ERP44: variants seen among roughly 807,000 people sequenced by gnomAD.
ERP44 encodes the protein endoplasmic reticulum protein 44.
A neutral mutation model predicts 53.4 loss-of-function variants in ERP44; 25 were observed. The ratio of observed to expected loss-of-function variants is 0.47; its 90% confidence interval spans 0.34 to 0.65. The LOEUF is 0.65. Ranked by LOEUF, ERP44 falls within the 30% of genes least tolerant of loss-of-function variation. The pLI is 0.01. For synonymous variants in ERP44, 145 were observed against 161.2 expected (o/e 0.90, Z 0.76); for missense variants, 338 against 493.2 (o/e 0.69, Z 2.98).
chr9:100,082,014 A>G (rs1826432717), intron 1 of ERP44, among the ~76,000 whole-genome samples: 1 of 152,174 alleles, frequency 6.6e-6, no homozygotes, highest in Non-Finnish European at 1.5e-5. Flanking sequence ...ACACAAAACA[A>G]CTAGAGTATA....
At chr9:100,084,523 T>C (rs1826460919) in intron 1 of ERP44, among the ~76,000 whole-genome samples, 1 of 152,204 alleles carries the variant, frequency 6.6e-6, no homozygotes, top group Non-Finnish European at 1.5e-5. Flanking sequence ...TACCTGACAA[T>C]GGGTTAATAA....
At chr9:100,054,927 C>T in intron 3 of ERP44, among the ~76,000 whole-genome samples, 1 of 152,206 alleles carries the variant, frequency 6.6e-6, no homozygotes, top group East Asian at 1.9e-4. Context: ...CCTAATCTTC[C>T]ATCTAGTGCT....
intron 10 of ERP44, among the ~76,000 whole-genome samples, chr9:100,001,641 C>T (rs1830379072): frequency 6.6e-6 from 1 of 152,116 alleles, no homozygotes; most frequent in Non-Finnish European, 1.5e-5. Flanking sequence ...CTACCCTGCC[C>T]TCTTTTGGTT....
chr9:100,046,513 T>C (rs1825971848), intron 4 of ERP44, among the ~76,000 whole-genome samples: 1 of 152,082 alleles, frequency 6.6e-6, no homozygotes, highest in Non-Finnish European at 1.5e-5. Context: ...AAAGTATCAT[T>C]TACAATAGCA....
intron 9 of ERP44, 65 bp from the exon 10 acceptor site, chr9:100,006,712 C>T: frequency 2.6e-6 from 3 of 1,172,842 alleles, no homozygotes; most frequent in South Asian, 1.5e-5. Context: ...TGTAAGATTG[C>T]AAGCTCACAA....
chr9:100,076,433 G>A (rs1826357164), intron 1 of ERP44, among the ~76,000 whole-genome samples: 1 of 152,194 alleles, frequency 6.6e-6, no homozygotes, highest in East Asian at 1.9e-4. Context: ...ACTAGGGCCT[G>A]GTTCACAGAT....
chr9:100,068,871 T>C lies in ERP44; in HGVS notation c.58-8699A>G, dbSNP rs548911332. ...AAAGGGGGGAAAGGTGGGGAAAAGA[T>C]TGAGAAAACGGATGGTTGCCGTGTC... is the stretch of plus-strand genomic sequence containing the variant. On this transcript the variant is annotated intron_variant, in intron 1 of 11. Transcript: ENST00000262455. Among the ~76,000 whole-genome samples, 12 of 152,306 alleles carry C rather than the reference T, an allele frequency of 7.9e-5. No individual in the cohort carries two copies. In the South Asian group the frequency reaches 2.5e-3, roughly 32 times the overall value.
At chr9:100,033,892 A>G (rs1292753167) in intron 4 of ERP44, among the ~76,000 whole-genome samples, 1 of 152,174 alleles carries the variant, frequency 6.6e-6, no homozygotes, top group African/African-American at 2.4e-5. Context: ...GTAGGCAGGA[A>G]TATCATTGCC....
intron 3 of ERP44, among the ~76,000 whole-genome samples, chr9:100,052,912 T>C (rs1054188512): frequency 1.3e-5 from 2 of 152,162 alleles, no homozygotes; most frequent in Non-Finnish European, 2.9e-5. Flanking sequence ...GCTTTCTCTA[T>C]TTTATTTATT....
At chr9:100,044,736 G>A (rs1055709686) in intron 4 of ERP44, among the ~76,000 whole-genome samples, 7 of 152,052 alleles carry the variant, frequency 4.6e-5, no homozygotes, top group African/African-American at 1.4e-4. Context: ...GAAGTAAGGC[G>A]CTCCTAGCTT....
At chr9:100,053,894 T>G (rs537708201) in intron 3 of ERP44, among the ~76,000 whole-genome samples, 1 of 152,320 alleles carries the variant, frequency 6.6e-6, no homozygotes, top group African/African-American at 2.4e-5. Flanking sequence ...ATGATGTCAG[T>G]GAACAGTTTA....
chr9:99,999,095 A>G, intron 10 of ERP44: 1 of 675,740 alleles, frequency 1.5e-6, no homozygotes, highest in Non-Finnish European at 2.7e-6. Context: ...CCGTTCCCAC[A>G]GCGGCGGGGC....
intron 8 of ERP44, among the ~76,000 whole-genome samples, chr9:100,008,982 A>G (rs953605119): frequency 6.6e-6 from 1 of 152,100 alleles, no homozygotes; most frequent in Non-Finnish European, 1.5e-5. Flanking sequence ...GGCTCAAGCA[A>G]TCTGCCTGCC....
intron 1 of ERP44, among the ~76,000 whole-genome samples, chr9:100,091,396 T>C (rs962973090): frequency 6.6e-6 from 1 of 152,200 alleles, no homozygotes; most frequent in Non-Finnish European, 1.5e-5. Context: ...TGAAGGCTAG[T>C]TAGAACCCAC....
intron 4 of ERP44, among the ~76,000 whole-genome samples, chr9:100,051,651 C>T (rs1826038737): frequency 6.6e-6 from 1 of 151,910 alleles, no homozygotes; most frequent in African/African-American, 2.4e-5. Flanking sequence ...GATAAGACAA[C>T]TAAGACACAA....
Position 99,996,316 on chromosome 9 carries a change from C to G in ERP44, c.1016+10190G>C, listed in dbSNP as rs117534288. On this transcript the variant is annotated intron_variant, in intron 10 of 11. Transcript: ENST00000262455. ...GTTGTTACAAAGCCAGGACGCCCCT[C>G]AGCTTTGGTCCCTCTTTGCATGTGC... Among the ~76,000 whole-genome samples, 128 of 152,264 alleles carry G rather than the reference C, an allele frequency of 8.4e-4. No individual in the cohort carries two copies. The East Asian group carries it at 0.017, about 20-fold the overall frequency.
chr9:100,086,606 T>G (rs149059569), intron 1 of ERP44, among the ~76,000 whole-genome samples: 33 of 152,340 alleles, frequency 2.2e-4, no homozygotes, highest in Middle Eastern at 6.8e-3. Context: ...TATCTCAATC[T>G]CACAATCTTG....
intron 4 of ERP44, among the ~76,000 whole-genome samples, chr9:100,040,365 T>A (rs1201234289): frequency 6.6e-6 from 1 of 152,160 alleles, no homozygotes. Context: ...GTTCAACATA[T>A]GCAGATCAAT....
At position 100,088,813 on chromosome 9, in the gene ERP44, T is replaced by C. The variant is rs1330886337; in HGVS notation, c.57+9971A>G. 2.0e-5 allele frequency among the ~76,000 whole-genome samples: 3 copies of C among 152,138 alleles called. No homozygotes were observed. The East Asian group carries it at 5.8e-4, about 29-fold the overall frequency. On this transcript the variant is annotated intron_variant, in intron 1 of 11. Transcript: ENST00000262455. The stretch of plus-strand genomic sequence containing the variant: ...AAATCCCTGATCCCTAAACTAAATA[T>C]TCTTCTAAAAGTTTTCTCTTTAGTC...
Sources: gnomAD v4.1 joint callset for allele counts (sites outside exome capture counted in the v4.1 genomes callset) on GRCh38, gnomAD v4.1.1 for gene constraint, MANE v1.5 for transcripts, NCBI Gene and HGNC (gene_info 2026-07-23, HGNC 2026-07-21) for gene names.